Variants in PTPRD observed in about 807,000 individuals in gnomAD.
PTPRD encodes the protein protein tyrosine phosphatase receptor type D.
Under a neutral mutation model 214.5 loss-of-function variants are expected in PTPRD, and 34 were observed. The ratio of observed to expected loss-of-function variants is 0.16; its 90% CI spans 0.12 to 0.21. The LOEUF (loss-of-function observed/expected upper bound fraction) is 0.21, where lower values mean the gene tolerates loss of function less well. Among genes scored for constraint, PTPRD ranks in the 10% least tolerant of loss-of-function variants. The pLI is 1.00. For missense variants in PTPRD, 2,545 were observed against 2,398.7 expected, an observed-to-expected ratio of 1.06 and a Z score of -1.27; for synonymous variants, 1,128 against 845.7, an observed-to-expected ratio of 1.33 and a Z score of -5.79.
At position 9,278,421 on chromosome 9, in the gene PTPRD, TC is replaced by T. The variant is rs543323661; in HGVS notation, c.-202-95059del. On this transcript the variant is annotated intron_variant, in intron 9 of 45. Coordinates refer to ENST00000381196, the MANE Select transcript of PTPRD (RefSeq NM_002839.4). ...AAGATTTTTATAACAAATAAAATGG[TC>T]CTAAAATAATATATGAGAAGATACA... Among the ~76,000 whole-genome samples, 262 of 151,448 alleles carry T rather than the reference TC, an allele frequency of 1.7e-3. 1 individual carries two copies. Among genetic ancestry groups the T allele is most frequent in the African/African-American group, 6.1e-3 (254 of 41,434 alleles).
At chr9:10,501,994 G>A (rs916861942) in intron 2 of PTPRD, among the ~76,000 whole-genome samples, 1 of 151,900 alleles carries the variant, frequency 6.6e-6, no homozygotes, top group East Asian at 1.9e-4. Flanking sequence ...GGAGATTCTA[G>A]TGTACAGAGT....
chr9:8,986,802 C>T (rs549634798), intron 11 of PTPRD, among the ~76,000 whole-genome samples: 1 of 152,168 alleles, frequency 6.6e-6, no homozygotes, highest in South Asian at 2.1e-4. Context: ...ATTATTTCTA[C>T]TGGCAGAGTT....
At chr9:8,415,737 G>C (rs918968380) in intron 35 of PTPRD, among the ~76,000 whole-genome samples, 3 of 152,080 alleles carry the variant, frequency 2.0e-5, no homozygotes, top group African/African-American at 7.2e-5. Context: ...CAGACATGCA[G>C]ACAATGGAGG....
At chr9:8,487,928 C>T (rs1318943979) in intron 27 of PTPRD, among the ~76,000 whole-genome samples, 1 of 152,008 alleles carries the variant, frequency 6.6e-6, no homozygotes, top group Non-Finnish European at 1.5e-5. Flanking sequence ...ACTCAGGGGG[C>T]TGAGGTGGGA....
chr9:8,769,256 T>G (rs1318919719), intron 11 of PTPRD, among the ~76,000 whole-genome samples: 1 of 152,236 alleles, frequency 6.6e-6, no homozygotes, highest in African/African-American at 2.4e-5. Context: ...GGAATTTCTT[T>G]ATTTACTCAC....
intron 12 of PTPRD, among the ~76,000 whole-genome samples, chr9:8,730,141 A>C (rs948343448): frequency 6.6e-6 from 1 of 152,172 alleles, no homozygotes; most frequent in Non-Finnish European, 1.5e-5. Context: ...CTGTAGTCCC[A>C]GCTACTCCGG....
At chr9:9,998,601 T>C (rs781434756) in intron 4 of PTPRD, among the ~76,000 whole-genome samples, 6 of 152,026 alleles carry the variant, frequency 3.9e-5, no homozygotes, top group Non-Finnish European at 8.8e-5. Context: ...GGACGTAATT[T>C]AGCTGTTTAC....
chr9:9,712,237 G>C (rs796457472), intron 7 of PTPRD, among the ~76,000 whole-genome samples: 47 of 152,096 alleles, frequency 3.1e-4, no homozygotes, highest in African/African-American at 1.0e-3. Context: ...GACTGAGAAA[G>C]AAAATAATAA....
chr9:8,851,025 G>A (rs561271957), intron 11 of PTPRD, among the ~76,000 whole-genome samples: 1 of 152,180 alleles, frequency 6.6e-6, no homozygotes, highest in African/African-American at 2.4e-5. Context: ...GAATCTTAGG[G>A]AGACAGAAGG....
At chr9:9,747,502 G>A (rs139688715) in intron 6 of PTPRD, among the ~76,000 whole-genome samples, 5 of 151,306 alleles carry the variant, frequency 3.3e-5, no homozygotes, top group African/African-American at 1.2e-4. Flanking sequence ...GGGGAAAAAT[G>A]GTGCCTCAGA....
chr9:8,915,456 C>A (rs1044895174), intron 11 of PTPRD, among the ~76,000 whole-genome samples: 1 of 152,094 alleles, frequency 6.6e-6, no homozygotes, highest in Non-Finnish European at 1.5e-5. Context: ...AGTGGGGGTT[C>A]TCCAGAAGAT....
chr9:8,785,677 C>T (rs1456297473), intron 11 of PTPRD, among the ~76,000 whole-genome samples: 1 of 152,114 alleles, frequency 6.6e-6, no homozygotes, highest in East Asian at 1.9e-4. Flanking sequence ...CACACTGAAG[C>T]CATATAAAAG....
intron 7 of PTPRD, among the ~76,000 whole-genome samples, chr9:9,708,897 C>G (rs1012959876): frequency 6.6e-6 from 1 of 151,928 alleles, no homozygotes; most frequent in African/African-American, 2.4e-5. Context: ...ATTCTGCAAA[C>G]TAGAATATTT....
chr9:9,352,974 G>T (rs1425087747), intron 9 of PTPRD, among the ~76,000 whole-genome samples: 2 of 151,830 alleles, frequency 1.3e-5, no homozygotes, highest in East Asian at 1.9e-4. Flanking sequence ...TACTTGTACT[G>T]CTTGGTGTTG....
At chr9:9,819,159 G>A (rs779091542) in intron 5 of PTPRD, among the ~76,000 whole-genome samples, 3 of 152,106 alleles carry the variant, frequency 2.0e-5, no homozygotes, top group South Asian at 2.1e-4. Flanking sequence ...GATTGGTAAG[G>A]AACACTGACT....
intron 35 of PTPRD, among the ~76,000 whole-genome samples, chr9:8,429,825 G>A (rs887108993): frequency 6.6e-6 from 1 of 152,116 alleles, no homozygotes; most frequent in Admixed American, 6.5e-5. Flanking sequence ...CCTTCTTCAG[G>A]GAACACTTCT....
intron 3 of PTPRD, among the ~76,000 whole-genome samples, chr9:10,185,084 T>G (rs2099323260): frequency 6.6e-6 from 1 of 152,084 alleles, no homozygotes. Context: ...AAATATATAT[T>G]TAAAAAAAAT....
chr9:9,890,656 A>G (rs1221431387), intron 5 of PTPRD, among the ~76,000 whole-genome samples: 1 of 152,064 alleles, frequency 6.6e-6, no homozygotes, highest in African/African-American at 2.4e-5. Flanking sequence ...GACCCCCAAA[A>G]CAATGTTGCA....
intron 3 of PTPRD, among the ~76,000 whole-genome samples, chr9:10,264,773 G>C (rs377348629): frequency 1.3e-5 from 2 of 152,136 alleles, no homozygotes; most frequent in South Asian, 4.2e-4. Context: ...GACCAGGGGC[G>C]GAATGATATG....
Sources: gnomAD v4.1 joint callset for allele counts (sites outside exome capture counted in the v4.1 genomes callset) on GRCh38, gnomAD v4.1.1 for gene constraint, MANE v1.5 for transcripts, NCBI Gene and HGNC (gene_info 2026-07-23, HGNC 2026-07-21) for gene names.